LALBA: variants seen among roughly 807,000 people sequenced by gnomAD.
LALBA encodes alpha-lactalbumin.
In LALBA, 12 loss-of-function variants were observed where a neutral mutation model predicts 13.4. The ratio of observed to expected loss-of-function variants is 0.89; its 90% CI spans 0.57 to 1.45. The LOEUF is 1.45. Ranked by LOEUF, LALBA falls within the 40% of genes most tolerant of loss-of-function variation. LALBA has a pLI of 0.00. For synonymous variants in LALBA, 64 were observed against 61.0 expected, an observed-to-expected ratio of 1.05 and a Z score of -0.23; for missense variants, 145 against 165.9, an observed-to-expected ratio of 0.87 and a Z score of 0.69.
At chr12:48,570,997 A>AC (rs1465200476), upstream of LALBA, among the ~76,000 whole-genome samples, 1 of 151,514 alleles carries the variant, frequency 6.6e-6, no homozygotes, top group South Asian at 2.1e-4. Context: ...AAAAAAAAAA[A>AC]AAAAAGAATC....
chr12:48,571,416 A>C (rs1938631958), upstream of LALBA, among the ~76,000 whole-genome samples: 3 of 110,504 alleles, frequency 2.7e-5, no homozygotes, highest in African/African-American at 3.6e-5. Flanking sequence ...ACCAAGTCTC[A>C]CTCTGTTGCC....
At chr12:48,569,798 A>G in intron 1 of LALBA, 90 bp downstream of exon 1, 2 of 1,207,754 alleles carry the variant, frequency 1.7e-6, no homozygotes, top group Non-Finnish European at 2.4e-6. Context: ...TAGATAATTA[A>G]GTAAAAGTGG....
intron 1 of LALBA, 104 bp downstream of exon 1, chr12:48,569,784 T>G: frequency 2.0e-6 from 2 of 1,001,136 alleles, no homozygotes; most frequent in Non-Finnish European, 1.5e-6. Flanking sequence ...GAAAAGAGGA[T>G]GATTAGATAA....
upstream of LALBA, among the ~76,000 whole-genome samples, chr12:48,571,447 C>T (rs560747300): frequency 3.9e-5 from 5 of 127,506 alleles, no homozygotes; most frequent in African/African-American, 1.5e-4. Context: ...TGCAGTGGCG[C>T]GATCTTGGCT....
At chr12:48,569,861 G>A (rs749283516) in intron 1 of LALBA, 27 bp downstream of exon 1, 2 of 1,612,006 alleles carry the variant, frequency 1.2e-6, no homozygotes, top group Middle Eastern at 1.7e-4. Flanking sequence ...ATGAGGAATG[G>A]ATGAAACACA....
In LALBA at chr12:48,568,105, G is replaced by A. The variant is rs779849484; in HGVS notation, c.369-88C>T. The A allele has an allele frequency of 9.9e-5, 98 of 989,952 alleles. No individual in the cohort carries two copies. In the Middle Eastern group the frequency reaches 2.5e-3, roughly 25 times the overall value. The allele number at this position is 989,952 out of a possible 1,614,324, so 61.3% of individuals were successfully genotyped here. Reference sequence around the variant, plus strand: ...AGGGCTGAAGTGGAAGAGCGTGGACGAGAATTACAGAAAGACATTCCTGGC... The same window carrying A: ...AGGGCTGAAGTGGAAGAGCGTGGACAAGAATTACAGAAAGACATTCCTGGC... On this transcript the variant is annotated intron_variant, in intron 3 of 3. Transcript: ENST00000301046.
chr12:48,569,899 G>A lies in LALBA; in HGVS notation c.122C>T (p.Ala41Val). ...GGCAGGGAACTCACATTCAGGCAAA[G>A]CGATGCCTCCATAACCATCTATGTC... is the stretch of plus-strand genomic sequence containing the variant. ...LKDIDGYGGI[A>V]LPELICTMFH... The change falls in exon 1 of 4, where the codon GCT becomes GTT. Residue 41 changes from alanine to valine, a missense_variant. Coordinates refer to ENST00000301046, the MANE Select transcript of LALBA (RefSeq NM_002289.3). 6.2e-7 allele frequency: 1 copy of A among 1,613,976 alleles called. No individual in the cohort carries two copies. Among genetic ancestry groups the A allele is most frequent in the Non-Finnish European group, 8.5e-7 (1 of 1,179,942 alleles).
chr12:48,569,179 T>G lies in LALBA; in HGVS notation c.195A>C (p.Glu65Asp). ...YDTQAIVENNESTEYGLFQIS... is the reference protein window; with the variant it reads ...YDTQAIVENNDSTEYGLFQIS... The stretch of plus-strand genomic sequence containing the variant: ...TCTGGAAGAGTCCATATTCCGTGCT[T>G]TCATTGTTTTCAACTATGGCTTGTG... Residue 65 changes from glutamate to aspartate, a missense_variant, in exon 2 of 4, where the codon GAA becomes GAC. Transcript: ENST00000301046. The G allele has an allele frequency of 6.2e-7, 1 of 1,613,708 alleles. No individual in the cohort carries two copies. Among genetic ancestry groups the G allele is most frequent in the Non-Finnish European group, 8.5e-7 (1 of 1,179,658 alleles).
rs201635695 is a variant in LALBA, at chr12:48,569,854, A to G, written c.133+34T>C. On this transcript the variant is annotated intron_variant, in intron 1 of 3. Transcript: ENST00000301046. ...AGGGGATGGAGGAGAGAAGCGTATG[A>G]GGAATGGATGAAACACAGAGGCAGG... 3.1e-6 allele frequency: 5 copies of G among 1,608,628 alleles called. No homozygotes were observed. The Admixed American group carries it at 6.7e-5, about 22-fold the overall frequency.
At position 48,569,181 on chromosome 12, in the gene LALBA, C is replaced by T. The variant is rs1938602309; in HGVS notation, c.193G>A (p.Glu65Lys). ...YDTQAIVENN[E>K]STEYGLFQIS... is the part of the protein sequence containing the mutation. ...TGGAAGAGTCCATATTCCGTGCTTTCATTGTTTTCAACTATGGCTTGTGTG... is the reference window on the plus strand; with the variant it reads ...TGGAAGAGTCCATATTCCGTGCTTTTATTGTTTTCAACTATGGCTTGTGTG... The change falls in exon 2 of 4, where the codon GAA becomes AAA. Residue 65 changes from glutamate (E) to lysine (K), a missense_variant. By Grantham distance (56) the Glu-to-Lys change is moderately conservative. Coordinates refer to ENST00000301046, the MANE Select transcript of LALBA (RefSeq NM_002289.3). 1.2e-6 allele frequency: 2 copies of T among 1,613,716 alleles called. No homozygotes were observed. Among genetic ancestry groups the T allele is most frequent in the Middle Eastern group, 3.3e-4 (2 of 6,060 alleles).
chr12:48,570,694 G>A (rs1043449697), upstream of LALBA, among the ~76,000 whole-genome samples: 1 of 152,076 alleles, frequency 6.6e-6, no homozygotes, highest in Non-Finnish European at 1.5e-5. Flanking sequence ...CTGTATGAAA[G>A]CATCTAGGCC....
At chr12:48,569,812 G>T in intron 1 of LALBA, 76 bp downstream of exon 1, 1 of 1,422,532 alleles carries the variant, frequency 7.0e-7, no homozygotes, top group Non-Finnish European at 9.8e-7. Context: ...AAAGTGGAGG[G>T]GCGAAGTGGA....
chr12:48,568,594 T>C lies in LALBA; in HGVS notation c.293-2A>G. The C allele has an allele frequency of 1.3e-6, 2 of 1,577,858 alleles. No individual in the cohort carries two copies. The highest frequency in any genetic ancestry group is 1.1e-5 in the South Asian group (1 of 89,634). The stretch of plus-strand genomic sequence containing the variant: ...CAGTAATGTCATCATCCAGGAACTC[T>C]GGCAGGAGTTACAGGGAAAGGATTG... On this transcript the variant is annotated splice_acceptor_variant, in intron 2 of 3. Coordinates refer to ENST00000301046, the MANE Select transcript of LALBA (RefSeq NM_002289.3). LOFTEE classifies it high-confidence loss of function.
chr12:48,569,762 T>C (rs1310350784), intron 1 of LALBA, 126 bp downstream of exon 1: 4 of 826,502 alleles, frequency 4.8e-6, no homozygotes, highest in African/African-American at 3.5e-5. Context: ...TAAAAGAGTA[T>C]GCAAATGAGC....
chr12:48,569,280 A>G, intron 1 of LALBA, 40 bp from the exon 2 acceptor site: 2 of 1,540,302 alleles, frequency 1.3e-6, no homozygotes, highest in Non-Finnish European at 8.9e-7. Context: ...AGAGATGTAC[A>G]GGATCTGCAT....
upstream of LALBA, among the ~76,000 whole-genome samples, chr12:48,570,651 T>C (rs1219347581): frequency 6.6e-6 from 1 of 152,066 alleles, no homozygotes; most frequent in Non-Finnish European, 1.5e-5. Flanking sequence ...ATCTTAAGAC[T>C]TCCTACTTAA....
chr12:48,570,200 C>A (rs1424501623), upstream of LALBA: 5 of 633,992 alleles, frequency 7.9e-6, no homozygotes, highest in Non-Finnish European at 1.1e-5. Context: ...ATTCACCCTA[C>A]TTTTCCTTTC....
In LALBA at chr12:48,569,920, A is replaced by G. The variant is rs1419148172; in HGVS notation, c.101T>C (p.Ile34Thr). 3 of 1,614,102 alleles carry G rather than the reference A, an allele frequency of 1.9e-6. No homozygotes were observed. Among genetic ancestry groups the G allele is most frequent in the South Asian group, 1.1e-5 (1 of 91,070 alleles). ...CAAAGCGATGCCTCCATAACCATCT[A>G]TGTCTTTCAGCAGCTGGGACAGCTC... ...KCELSQLLKD[I>T]DGYGGIALPE... The change falls in exon 1 of 4, where the codon ATA becomes ACA. Residue 34 changes from isoleucine (I) to threonine (T), a missense_variant. Coordinates refer to ENST00000301046, the MANE Select transcript of LALBA (RefSeq NM_002289.3).
Position 48,569,080 on chromosome 12 carries a change from A to G in LALBA, c.292+2T>C. On this transcript the variant is annotated splice_donor_variant, in intron 2 of 3. Transcript: ENST00000301046. LOFTEE classifies it high-confidence loss of function. ...AGAAAGAGGGTTATAGGGGCTACTC[A>G]CTGTCACAGGAGATGTCACAGATGT... 6.2e-7 allele frequency: 1 copy of G among 1,607,150 alleles called. No individual in the cohort carries two copies. Among genetic ancestry groups the G allele is most frequent in the Non-Finnish European group, 8.5e-7 (1 of 1,178,098 alleles).
Sources: gnomAD v4.1 joint callset for allele counts (sites outside exome capture counted in the v4.1 genomes callset) on GRCh38, gnomAD v4.1.1 for gene constraint, MANE v1.5 for transcripts, NCBI Gene and HGNC (gene_info 2026-07-23, HGNC 2026-07-21) for gene names.